The following PFKFB4 variants were observed in gnomAD, a reference collection of about 807,000 sequenced individuals.
PFKFB4 encodes the protein 6-phosphofructo-2-kinase/fructose-2,6-bisphosphatase 4.
A neutral mutation model predicts 62.8 loss-of-function variants in PFKFB4; 42 were observed. That is an observed-to-expected ratio of 0.67 (90% CI 0.52 to 0.86). The LOEUF is 0.86. PFKFB4 is among the 40% of genes least tolerant of loss of function. PFKFB4 has a pLI of 0.00. For missense variants in PFKFB4, 475 were observed against 627.2 expected (o/e 0.76, Z 2.59); for synonymous variants, 204 against 240.7 (o/e 0.85, Z 1.41).
At chr3:48,522,829 C>G (rs2042139025) in intron 12 of PFKFB4, among the ~76,000 whole-genome samples, 1 of 151,252 alleles carries the variant, frequency 6.6e-6, no homozygotes, top group Admixed American at 6.6e-5. Context: ...GGTGCGATCT[C>G]GGCTCACTGC....
At chr3:48,548,071 C>T (rs1279658738) in intron 3 of PFKFB4, 1 of 152,204 alleles carries the variant, frequency 6.6e-6, no homozygotes, top group African/African-American at 2.4e-5. Flanking sequence ...GCAGGGTGAC[C>T]TTGGACTAGC....
At chr3:48,552,607 C>T (rs899809746) in intron 1 of PFKFB4, among the ~76,000 whole-genome samples, 13 of 152,338 alleles carry the variant, frequency 8.5e-5, no homozygotes, top group Middle Eastern at 3.4e-3. Context: ...GCATAGTTCC[C>T]GGCCAGGTGG....
At chr3:48,528,359 A>G (rs1053811422) in intron 9 of PFKFB4, among the ~76,000 whole-genome samples, 5 of 152,180 alleles carry the variant, frequency 3.3e-5, no homozygotes, top group African/African-American at 1.2e-4. Flanking sequence ...AAATAAAAAT[A>G]TAAGTCCGCA....
rs1038100017 is a variant in PFKFB4 at position 48,551,114 on chromosome 3, G to A, written c.98-880C>T. Among the ~76,000 whole-genome samples, 4 of 152,192 alleles carry A rather than the reference G, an allele frequency of 2.6e-5. No homozygotes were observed. In the East Asian group the frequency reaches 5.8e-4, roughly 22 times the overall value. On this transcript the variant is annotated intron_variant, in intron 1 of 13. Transcript: ENST00000232375. ...AGAGAAGATGCCAGGCTAGAGGCAC[G>A]GAAGGATCTGAATACAGCCCCCTAT...
intron 9 of PFKFB4, among the ~76,000 whole-genome samples, chr3:48,530,016 G>A (rs1384268824): frequency 6.6e-6 from 1 of 152,000 alleles, no homozygotes; most frequent in Non-Finnish European, 1.5e-5. Flanking sequence ...ACTTTGGGAG[G>A]CCAAGGCGGG....
chr3:48,520,984 C>G (rs2042079904), intron 13 of PFKFB4, among the ~76,000 whole-genome samples: 1 of 152,202 alleles, frequency 6.6e-6, no homozygotes, highest in African/African-American at 2.4e-5. Context: ...TTGTGGGTAC[C>G]AAATTGGGCC....
chr3:48,533,085 C>A (rs983714755), intron 9 of PFKFB4, among the ~76,000 whole-genome samples: 1 of 152,064 alleles, frequency 6.6e-6, no homozygotes, highest in Admixed American at 6.6e-5. Flanking sequence ...GTTGTCCAGG[C>A]TGGAGTGCAA....
chr3:48,528,146 T>C (rs565381368), intron 9 of PFKFB4, among the ~76,000 whole-genome samples: 5 of 152,064 alleles, frequency 3.3e-5, no homozygotes, highest in Non-Finnish European at 7.4e-5. Flanking sequence ...TGGCAGAGAA[T>C]GTGGCTAAAC....
chr3:48,526,527 T>G (rs1395628436), intron 9 of PFKFB4, among the ~76,000 whole-genome samples: 2 of 145,696 alleles, frequency 1.4e-5, no homozygotes, highest in East Asian at 2.0e-4. Flanking sequence ...GAGCCAAGAT[T>G]ACGCCACTGC....
intron 7 of PFKFB4, 34 bp from the exon 8 acceptor site, chr3:48,536,497 G>A (rs909669685): frequency 1.3e-6 from 2 of 1,551,932 alleles, no homozygotes; most frequent in South Asian, 1.1e-5. Flanking sequence ...AGGCCTGTGA[G>A]CGTGGCCAGG....
At chr3:48,553,318 A>G (rs975505479) in intron 1 of PFKFB4, among the ~76,000 whole-genome samples, 1 of 152,222 alleles carries the variant, frequency 6.6e-6, no homozygotes, top group Non-Finnish European at 1.5e-5. Context: ...TACTAAAAAT[A>G]CAAAAATTAG....
chr3:48,556,834 C>G, upstream of PFKFB4: 2 of 1,529,040 alleles, frequency 1.3e-6, no homozygotes, highest in African/African-American at 2.8e-5. The surrounding 1 kb of genome is among the most constrained non-coding windows in gnomAD (Gnocchi z 5.7). Flanking sequence ...CGGGCCACCT[C>G]GGGCCACCCG....
upstream of PFKFB4, among the ~76,000 whole-genome samples, chr3:48,558,150 T>G (rs1012286141): frequency 6.6e-6 from 1 of 152,162 alleles, no homozygotes; most frequent in Non-Finnish European, 1.5e-5. Flanking sequence ...TCTTTGAAAA[T>G]GCACTGGGGA....
At position 48,535,228 on chromosome 3, in the gene PFKFB4, T is replaced by G. The variant is rs563961360; in HGVS notation, c.987+284A>C. On this transcript the variant is annotated intron_variant, in intron 9 of 13. Coordinates refer to ENST00000232375, the MANE Select transcript of PFKFB4 (RefSeq NM_004567.4). ...CAAGCTCCCGTGGCCGCTGATTTCT[T>G]GTTGAGCTAGACCATGAGGAACCCT... Among the ~76,000 whole-genome samples, 66 of 152,286 alleles carry G rather than the reference T, an allele frequency of 4.3e-4. 1 individual carries two copies. The South Asian group carries it at 6.4e-3, about 15-fold the overall frequency.
chr3:48,555,811 G>A (rs1225251203), intron 1 of PFKFB4, among the ~76,000 whole-genome samples: 4 of 152,078 alleles, frequency 2.6e-5, no homozygotes, highest in African/African-American at 9.7e-5. Flanking sequence ...GGTTGAGGTG[G>A]GAGGATTGCT....
At position 48,519,383 on chromosome 3, in the gene PFKFB4, C is replaced by T. The variant is rs1253962689; in HGVS notation, c.*364G>A. On this transcript the variant is annotated 3_prime_UTR_variant, in exon 14 of 14. Transcript: ENST00000232375. ...CAGCTGGGCCACAGTAGGAACATCA[C>T]AGCAAGCACTTTCCTTTCACATTGT... is the stretch of plus-strand genomic sequence containing the variant. The T allele has an allele frequency of 9.6e-6, 2 of 208,848 alleles. No homozygotes were observed. Among genetic ancestry groups the T allele is most frequent in the African/African-American group, 2.3e-5 (1 of 43,630 alleles). The allele number at this position is 208,848 out of a possible 1,614,324, so 12.9% of individuals were successfully genotyped here.
chr3:48,556,570 C>T lies in PFKFB4; in HGVS notation c.97+111G>A, dbSNP rs1406677181. 5.4e-6 allele frequency: 7 copies of T among 1,296,658 alleles called. No homozygotes were observed. In the East Asian group the frequency reaches 1.5e-4, roughly 28 times the overall value. 80.3% of individuals were successfully genotyped at this position (1,296,658 alleles called of 1,614,324 possible). ...CCAGTCACGGCAACCTCACCTGTCC[C>T]CGGTTCCCCATCTGTCTCCCGCCCC... On this transcript the variant is annotated intron_variant, in intron 1 of 13. Coordinates refer to ENST00000232375, the MANE Select transcript of PFKFB4 (RefSeq NM_004567.4). The surrounding 1 kb of genome is among the most constrained non-coding windows in gnomAD (Gnocchi z 5.7).
At chr3:48,527,294 T>C (rs2042294693) in intron 9 of PFKFB4, among the ~76,000 whole-genome samples, 7 of 151,112 alleles carry the variant, frequency 4.6e-5, no homozygotes, top group Admixed American at 4.0e-4. Context: ...TTTTTTTTTT[T>C]TTTTTGAGAC....
Position 48,525,545 on chromosome 3 carries a change from A to G in PFKFB4, c.1092+20T>C. On this transcript the variant is annotated intron_variant, in intron 10 of 13. Coordinates refer to ENST00000232375, the MANE Select transcript of PFKFB4 (RefSeq NM_004567.4). ...AGGCGGGCAGTAGGTGGCTGGGACT[A>G]AGCCCCAAATCCCACCTACCTCCCC... 3 of 1,402,904 alleles carry G rather than the reference A, an allele frequency of 2.1e-6. No homozygotes were observed. Among genetic ancestry groups the G allele is most frequent in the Non-Finnish European group, 3.0e-6 (3 of 1,009,960 alleles). The allele number at this position is 1,402,904 out of a possible 1,614,324, so 86.9% of individuals were successfully genotyped here.
Sources: gnomAD v4.1 joint callset for allele counts (sites outside exome capture counted in the v4.1 genomes callset) on GRCh38, gnomAD v4.1.1 for gene constraint, Gnocchi (gnomAD v3.1) non-coding constraint, MANE v1.5 for transcripts, NCBI Gene and HGNC (gene_info 2026-07-23, HGNC 2026-07-21) for gene names.